The following TIAL1 variants were observed in gnomAD, a reference collection of about 807,000 sequenced individuals.
TIAL1 encodes the protein TIA1 cytotoxic granule associated RNA binding protein like 1.
TIAL1 carries 7 observed loss-of-function variants against 59.7 expected under a neutral mutation model. That is an observed-to-expected ratio of 0.12 (90% CI 0.07 to 0.22). The LOEUF is 0.22. Among genes scored for constraint, TIAL1 ranks in the 10% least tolerant of loss-of-function variants. The pLI, the probability that TIAL1 is intolerant of heterozygous loss-of-function variation, is 1.00. For synonymous variants in TIAL1, 149 were observed against 146.3 expected (o/e 1.02, Z -0.13); for missense variants, 225 against 462.5 (o/e 0.49, Z 4.71).
intron 1 of TIAL1, among the ~76,000 whole-genome samples, chr10:119,593,122 C>T (rs1345454515): frequency 6.6e-6 from 1 of 152,154 alleles, no homozygotes; most frequent in Non-Finnish European, 1.5e-5. Flanking sequence ...ATTGTAGATT[C>T]AGATATACCA....
Position 119,582,279 on chromosome 10 carries a change from C to T in TIAL1, c.229-56G>A. The T allele has an allele frequency of 6.7e-7, 1 of 1,495,196 alleles. No individual in the cohort carries two copies. The highest frequency in any genetic ancestry group is 9.1e-7 in the Non-Finnish European group (1 of 1,102,512). The allele number at this position is 1,495,196 out of a possible 1,614,324, so 92.6% of individuals were successfully genotyped here. ...ATTAGGCATGTCATGAGTTACAACA[C>T]TTACCACTTATTAAATCATTTATCA... On this transcript the variant is annotated intron_variant, in intron 3 of 11. Coordinates refer to ENST00000436547, the MANE Select transcript of TIAL1 (RefSeq NM_003252.4). The surrounding 1 kb of genome is among the most constrained non-coding windows in gnomAD (Gnocchi z 5.1).
At chr10:119,583,999 C>G (rs566486272) in intron 2 of TIAL1, among the ~76,000 whole-genome samples, 4 of 152,260 alleles carry the variant, frequency 2.6e-5, no homozygotes, top group Admixed American at 1.3e-4. Context: ...CCTTTCACTC[C>G]TATCTCTTTT....
At chr10:119,583,126 A>G (rs762656610) in intron 2 of TIAL1, among the ~76,000 whole-genome samples, 1 of 152,162 alleles carries the variant, frequency 6.6e-6, no homozygotes, top group Non-Finnish European at 1.5e-5. Context: ...TAAAAACAAG[A>G]AAACTTAAGC....
At chr10:119,590,762 G>GAGAAAGAA (rs60594014) in intron 1 of TIAL1, among the ~76,000 whole-genome samples, 10,516 of 125,170 alleles carry the variant, frequency 0.084, 570 homozygotes, top group Middle Eastern at 0.1. Context: ...GAGAGAAAGA[G>GAGAAAGAA]AGAAAGAAAG....
chr10:119,584,601 T>G (rs1221875000), intron 2 of TIAL1, among the ~76,000 whole-genome samples: 1 of 152,026 alleles, frequency 6.6e-6, no homozygotes, highest in Non-Finnish European at 1.5e-5. Flanking sequence ...CTGAGGCAGC[T>G]GGATCACTTG....
At chr10:119,591,492 T>C (rs569523173) in intron 1 of TIAL1, among the ~76,000 whole-genome samples, 52 of 152,292 alleles carry the variant, frequency 3.4e-4, no homozygotes, top group Non-Finnish European at 6.8e-4. Context: ...CATATTTAGA[T>C]ATATTAATTT....
intron 1 of TIAL1, among the ~76,000 whole-genome samples, chr10:119,589,622 GT>G (rs1000660400): frequency 1.3e-5 from 2 of 151,774 alleles, no homozygotes; most frequent in East Asian, 1.9e-4. Context: ...AAAAATTTGG[GT>G]TTTTTTTCCT....
chr10:119,593,046 G>A (rs779582956), intron 1 of TIAL1, among the ~76,000 whole-genome samples: 4 of 152,134 alleles, frequency 2.6e-5, no homozygotes, highest in Non-Finnish European at 4.4e-5. Flanking sequence ...TAGCAATTTT[G>A]GTGCATCCGA....
At position 119,584,643 on chromosome 10, in the gene TIAL1, A is replaced by G. The variant is rs535482796; in HGVS notation, c.130-2086T>C. Among the ~76,000 whole-genome samples, 4 of 152,216 alleles carry G rather than the reference A, an allele frequency of 2.6e-5. No individual in the cohort carries two copies. The East Asian group carries it at 7.7e-4, about 29-fold the overall frequency. The stretch of plus-strand genomic sequence containing the variant: ...GGAGTTCGAGACCAGCCTGACCAAC[A>G]TGGTGAGACCCCCATCTCTACCAAA... On this transcript the variant is annotated intron_variant, in intron 2 of 11. Coordinates refer to ENST00000436547, the MANE Select transcript of TIAL1 (RefSeq NM_003252.4).
In TIAL1 at chr10:119,582,370, T is replaced by A. The variant is rs2133972366; in HGVS notation, c.228+89A>T. Reference sequence around the variant, plus strand: ...AAAACCATCACTCAGCAGCCGAATATCTGCTCAAAAATTTGCCTAGAAAGA... The same window carrying A: ...AAAACCATCACTCAGCAGCCGAATAACTGCTCAAAAATTTGCCTAGAAAGA... On this transcript the variant is annotated intron_variant, in intron 3 of 11. Coordinates refer to ENST00000436547, the MANE Select transcript of TIAL1 (RefSeq NM_003252.4). This position sits in a 1 kb window ranked among gnomAD's most constrained non-coding sequence, Gnocchi z 5.1. 6.7e-7 allele frequency: 1 copy of A among 1,498,466 alleles called. No homozygotes were observed. Among genetic ancestry groups the A allele is most frequent in the East Asian group, 2.3e-5 (1 of 43,668 alleles). The allele number at this position is 1,498,466 out of a possible 1,614,324, so 92.8% of individuals were successfully genotyped here.
intron 6 of TIAL1, among the ~76,000 whole-genome samples, chr10:119,579,431 A>G (rs1281644128): frequency 6.6e-6 from 1 of 152,246 alleles, no homozygotes; most frequent in Non-Finnish European, 1.5e-5. Flanking sequence ...GTTACAGTTA[A>G]TGCAAATGCT....
Position 119,575,689 on chromosome 10 carries a change from A to G in TIAL1, c.1104T>C (p.Gly368=), listed in dbSNP as rs550864452. Residue 368 remains glycine, a synonymous_variant, in exon 12 of 12, where the codon GGT becomes GGC. Transcript: ENST00000436547. The part of the protein sequence containing the change: ...VIPPPNQAGY[G]MASYQTQ Reference sequence around the variant, plus strand: ...CTCACTGTGTTTGGTAACTTGCCATACCATATCCGGCTTGGTTAGGAGGAG... The same window carrying G: ...CTCACTGTGTTTGGTAACTTGCCATGCCATATCCGGCTTGGTTAGGAGGAG... 1.9e-6 allele frequency: 3 copies of G among 1,613,142 alleles called. No homozygotes were observed. Among genetic ancestry groups the G allele is most frequent in the African/African-American group, 2.7e-5 (2 of 74,882 alleles).
In TIAL1 at chr10:119,578,097, C is replaced by T. The variant is rs562520354; in HGVS notation, c.557-361G>A. ...AAAATTGGCTGGGTGTGGTGGCACACGCCTGTAATTCCAGCCACTCAGGAG... is the reference window on the plus strand; with the variant it reads ...AAAATTGGCTGGGTGTGGTGGCACATGCCTGTAATTCCAGCCACTCAGGAG... On this transcript the variant is annotated intron_variant, in intron 7 of 11. Coordinates refer to ENST00000436547, the MANE Select transcript of TIAL1 (RefSeq NM_003252.4). 4.6e-5 allele frequency among the ~76,000 whole-genome samples: 7 copies of T among 151,964 alleles called. No individual in the cohort carries two copies. In the East Asian group the frequency reaches 5.8e-4, roughly 13 times the overall value.
At chr10:119,577,348 G>T in intron 9 of TIAL1, 103 bp downstream of exon 9, 2 of 1,429,452 alleles carry the variant, frequency 1.4e-6, no homozygotes, top group Non-Finnish European at 1.9e-6. Context: ...CTTCTATACT[G>T]CAAAGAAGCA....
intron 1 of TIAL1, among the ~76,000 whole-genome samples, chr10:119,592,583 G>A (rs1283572074): frequency 6.6e-6 from 1 of 152,098 alleles, no homozygotes; most frequent in African/African-American, 2.4e-5. Flanking sequence ...TTCCATAATA[G>A]TTTTGCTTTT....
chr10:119,581,962 C>T lies in TIAL1; in HGVS notation c.331G>A (p.Glu111Lys). 1 of 1,613,556 alleles carries T rather than the reference C, an allele frequency of 6.2e-7. No homozygotes were observed. The highest frequency in any genetic ancestry group is 8.5e-7 in the Non-Finnish European group (1 of 1,179,648). The change falls in exon 5 of 12, where the codon GAA becomes AAA. Residue 111 changes from glutamate (E) to lysine (K), a missense_variant. Glu to Lys is a moderately conservative substitution (Grantham distance 56). Transcript: ENST00000436547. ...VGDLSPEITT[E>K]DIKSAFAPFG... ...GGGGCAAATGCTGATTTGATATCTT[C>T]TGTTGTAATTTCTGGACTCAAATCC...
intron 6 of TIAL1, 170 bp from the exon 7 acceptor site, chr10:119,579,004 C>G (rs749376956): frequency 1.7e-6 from 1 of 602,548 alleles, no homozygotes; most frequent in Non-Finnish European, 2.9e-6. Flanking sequence ...ACGATTTGAA[C>G]TTGAGATTCA....
intron 1 of TIAL1, among the ~76,000 whole-genome samples, chr10:119,594,626 A>T (rs897651329): frequency 2.0e-5 from 3 of 150,836 alleles, no homozygotes; most frequent in Admixed American, 6.6e-5. Flanking sequence ...GAAGGATAAA[A>T]TTTTTTTTTT....
At chr10:119,586,812 T>C (rs544677827) in intron 2 of TIAL1, among the ~76,000 whole-genome samples, 9 of 152,324 alleles carry the variant, frequency 5.9e-5, no homozygotes, top group African/African-American at 2.2e-4. Context: ...TTACCATAGA[T>C]AGCACCATCT....
Sources: gnomAD v4.1 joint callset for allele counts (sites outside exome capture counted in the v4.1 genomes callset) on GRCh38, gnomAD v4.1.1 for gene constraint, Gnocchi (gnomAD v3.1) non-coding constraint, MANE v1.5 for transcripts, NCBI Gene and HGNC (gene_info 2026-07-23, HGNC 2026-07-21) for gene names.